STAG3: variants seen among roughly 807,000 people sequenced by gnomAD.
The protein encoded by STAG3 is STAG3 cohesin complex component, also known as cohesin subunit SA-3.
Under a neutral mutation model 160.7 loss-of-function variants are expected in STAG3, and 101 were observed. That is an observed-to-expected ratio of 0.63 (90% CI 0.54 to 0.74). The LOEUF (loss-of-function observed/expected upper bound fraction) is 0.74, where lower values mean the gene tolerates loss of function less well. STAG3 is among the 30% of genes least tolerant of loss of function. The pLI is 0.00. For missense variants in STAG3, 1,188 were observed against 1,517.4 expected (o/e 0.78, Z 3.61); for synonymous variants, 519 against 585.0 (o/e 0.89, Z 1.63).
intron 22 of STAG3, 28 bp from the exon 23 acceptor site, chr7:100,201,921 C>T (rs1363568479): frequency 1.9e-6 from 3 of 1,613,958 alleles, no homozygotes; most frequent in Non-Finnish European, 2.5e-6. Context: ...TGTCTTCATT[C>T]TTCCCCTTCA....
At position 100,199,364 on chromosome 7, in the gene STAG3, C is replaced by A; in HGVS notation, c.1570C>A (p.Gln524Lys). Residue 524 changes from glutamine (Q) to lysine (K), a missense_variant, in exon 15 of 34, where the codon CAG (glutamine) becomes AAG (lysine). Gln to Lys is a moderately conservative substitution (Grantham distance 53). Transcript: ENST00000615138. ...GLTSLLLEKD[Q>K]NLGDVQESTL... ...GACAAGCCTGCTGCTGGAGAAGGAC[C>A]AGAGTACGTGTCACACGGAGCCAGG... The A allele has an allele frequency of 6.2e-7, 1 of 1,613,586 alleles. No homozygotes were observed. The highest frequency in any genetic ancestry group is 8.5e-7 in the Non-Finnish European group (1 of 1,179,518).
chr7:100,217,241 C>G (rs563387695), downstream of STAG3, among the ~76,000 whole-genome samples: 1 of 152,318 alleles, frequency 6.6e-6, no homozygotes, highest in East Asian at 1.9e-4. Context: ...CGCCCTCACC[C>G]TGACAGGCTC....
chr7:100,202,327 AGACCT>A lies in STAG3; in HGVS notation c.2552_2556del (p.Asp851GlyfsTer4). 1.2e-6 allele frequency: 2 copies of A among 1,614,074 alleles called. No homozygotes were observed. The highest frequency in any genetic ancestry group is 1.7e-6 in the Non-Finnish European group (2 of 1,180,018). On this transcript the variant is annotated frameshift_variant, in exon 24 of 34. Coordinates refer to ENST00000615138, the MANE Select transcript of STAG3 (RefSeq NM_001282717.2). LOFTEE classifies it high-confidence loss of function. ...TGGACCACGTCTTCATCCAGCCGGGAGACCTGGGCAGTGGTGCAGTGACTCTATAC... is the reference window on the plus strand; with the variant it reads ...TGGACCACGTCTTCATCCAGCCGGGAGGGCAGTGGTGCAGTGACTCTATAC...
downstream of STAG3, among the ~76,000 whole-genome samples, chr7:100,217,027 C>G (rs1802815310): frequency 6.6e-6 from 1 of 152,118 alleles, no homozygotes; most frequent in Non-Finnish European, 1.5e-5. Context: ...AGTGTGTGAG[C>G]TGCAGTGTGT....
At chr7:100,177,755 A>T (rs1472484414), upstream of STAG3, 1 of 152,652 alleles carries the variant, frequency 6.6e-6, no homozygotes, top group Non-Finnish European at 1.5e-5. Context: ...CCCACGTGAG[A>T]GGGCAGGACG....
At chr7:100,181,620 A>G (rs3779046) in intron 2 of STAG3, 47,142 of 152,408 alleles carry the variant, frequency 0.31, 7,980 homozygotes, top group East Asian at 0.63. Flanking sequence ...CTCATTCTTC[A>G]TCTCCATTGC....
rs143257205 is a variant in STAG3 at position 100,182,778 on chromosome 7, A to G, written c.275A>G (p.Gln92Arg). The change falls in exon 4 of 34, where the codon CAG (glutamine) becomes CGG (arginine). Residue 92 changes from glutamine (Q) to arginine (R), a missense_variant. Gln to Arg is a conservative substitution (Grantham distance 43). Around this residue, in one of 4 missense-constraint regions of STAG3, gnomAD observed 296 missense variants for 404.0 expected, o/e 0.73. Coordinates refer to ENST00000615138, the MANE Select transcript of STAG3 (RefSeq NM_001282717.2). ...SRVVHRHSRK[Q>R]SEPPANDLFN... The stretch of plus-strand genomic sequence containing the variant: ...GTGGTACATCGTCATAGCCGGAAAC[A>G]GTCAGAGCCACCAGCCAATGATCTT... The G allele has an allele frequency of 5.8e-5, 94 of 1,613,878 alleles. No homozygotes were observed. The highest frequency in any genetic ancestry group is 7.7e-5 in the Non-Finnish European group (91 of 1,179,910).
chr7:100,206,245 TG>T, intron 29 of STAG3, among the ~76,000 whole-genome samples: 1 of 152,142 alleles, frequency 6.6e-6, no homozygotes, highest in East Asian at 1.9e-4. Context: ...CTTGATCTCC[TG>T]ACCTCATGAT....
chr7:100,213,911 C>T, intron 33 of STAG3, 96 bp from the exon 34 acceptor site: 1 of 1,612,730 alleles, frequency 6.2e-7, no homozygotes, highest in Non-Finnish European at 8.5e-7. Flanking sequence ...GCCCTCTGGG[C>T]TGTCTCTGGG....
chr7:100,209,133 CTT>C lies in STAG3; in HGVS notation c.3239-1877_3239-1876del, dbSNP rs1160472125. 2.0e-5 allele frequency among the ~76,000 whole-genome samples: 3 copies of C among 152,270 alleles called. No individual in the cohort carries two copies. The South Asian group carries it at 6.2e-4, about 32-fold the overall frequency. On this transcript the variant is annotated intron_variant, in intron 29 of 33. Coordinates refer to ENST00000615138, the MANE Select transcript of STAG3 (RefSeq NM_001282717.2). Reference sequence around the variant, plus strand: ...TTAGAGGTTAACTGACCATAAATCTCTTGTTAGAGGTTAGTCGGTAGTTTCTG... The same window carrying C: ...TTAGAGGTTAACTGACCATAAATCTCGTTAGAGGTTAGTCGGTAGTTTCTG...
chr7:100,215,845 A>G (rs193053314), downstream of STAG3, among the ~76,000 whole-genome samples: 4 of 152,214 alleles, frequency 2.6e-5, no homozygotes, highest in African/African-American at 4.8e-5. Context: ...GATGATAGAA[A>G]TGATGCCATG....
chr7:100,216,691 C>A (rs1802779544), downstream of STAG3, among the ~76,000 whole-genome samples: 1 of 151,856 alleles, frequency 6.6e-6, no homozygotes, highest in South Asian at 2.1e-4. Flanking sequence ...GTCCCAGCTA[C>A]TCGGGAGGCT....
At chr7:100,178,724 G>A (rs1799438013) in intron 1 of STAG3, among the ~76,000 whole-genome samples, 1 of 151,822 alleles carries the variant, frequency 6.6e-6, no homozygotes, top group Non-Finnish European at 1.5e-5. Flanking sequence ...TGTGCACCAC[G>A]CCTCGGCTTT....
chr7:100,182,042 G>A, intron 2 of STAG3, 48 bp from the exon 3 acceptor site: 2 of 1,404,158 alleles, frequency 1.4e-6, no homozygotes, highest in Non-Finnish European at 1.0e-6. Flanking sequence ...CCTTTTATAT[G>A]GAGGGAATAG....
chr7:100,182,882 G>T, intron 4 of STAG3, 43 bp downstream of exon 4: 1 of 1,606,084 alleles, frequency 6.2e-7, no homozygotes, highest in South Asian at 1.1e-5. Flanking sequence ...CTCACTTTTT[G>T]TAAGGTGGTA....
At chr7:100,180,945 T>C (rs1799610863) in intron 2 of STAG3, 1 of 274,104 alleles carries the variant, frequency 3.6e-6, no homozygotes, top group African/African-American at 2.3e-5. Flanking sequence ...AGTGGCGCGA[T>C]CTCGGCTTAC....
intron 32 of STAG3, 173 bp from the exon 33 acceptor site, chr7:100,213,562 T>C (rs1802475668): frequency 1.0e-6 from 1 of 985,028 alleles, no homozygotes; most frequent in South Asian, 4.7e-5. Flanking sequence ...AGAAGCGCTC[T>C]GCAGTCAGGC....
intron 16 of STAG3, 52 bp downstream of exon 16, chr7:100,199,696 C>G (rs932766305): frequency 7.5e-7 from 1 of 1,332,886 alleles, no homozygotes; most frequent in African/African-American, 1.5e-5. Flanking sequence ...TCTTGACAGG[C>G]AATGTGCATC....
intron 8 of STAG3, among the ~76,000 whole-genome samples, chr7:100,194,676 T>G (rs1800567195): frequency 6.6e-6 from 1 of 152,084 alleles, no homozygotes; most frequent in Non-Finnish European, 1.5e-5. Context: ...GCATCTGGAC[T>G]CCCAGCTAGT....
Sources: allele counts gnomAD v4.1 joint callset (sites outside exome capture counted in the v4.1 genomes callset), GRCh38; gene constraint gnomAD v4.1.1; regional missense constraint gnomAD v4.1.1; transcripts MANE v1.5; gene names NCBI Gene and HGNC (gene_info 2026-07-23, HGNC 2026-07-21).